Variants in GLIS1 observed in about 807,000 individuals in gnomAD.
GLIS1 encodes zinc finger protein GLIS1.
GLIS1 carries 24 observed loss-of-function variants against 63.8 expected under a neutral mutation model. The observed-to-expected ratio is 0.38, with a 90% CI of 0.27 to 0.53. GLIS1 has a LOEUF of 0.53. Ranked by LOEUF, GLIS1 falls within the 20% of genes least tolerant of loss-of-function variation. The pLI, the probability that GLIS1 is intolerant of heterozygous loss-of-function variation, is 0.85. For synonymous variants in GLIS1, 450 were observed against 482.5 expected (o/e 0.93, Z 0.88); for missense variants, 1,036 against 1,074.1 (o/e 0.96, Z 0.50).
At chr1:53,636,826 C>T (rs1463122792) in intron 2 of GLIS1, among the ~76,000 whole-genome samples, 2 of 152,238 alleles carry the variant, frequency 1.3e-5, no homozygotes, top group Non-Finnish European at 2.9e-5. Flanking sequence ...TCTCCACCTG[C>T]GCTGTTTCTG....
intron 2 of GLIS1, among the ~76,000 whole-genome samples, chr1:53,699,073 A>ATT (rs56770938): frequency 2.7e-4 from 40 of 149,786 alleles, no homozygotes; most frequent in Middle Eastern, 6.9e-3. Context: ...TTTTATTTTT[A>ATT]TTTTTTTTTG....
In GLIS1 at chr1:53,650,500, G is replaced by A. The variant is rs981501651; in HGVS notation, c.260-50222C>T. On this transcript the variant is annotated intron_variant, in intron 2 of 10. Coordinates refer to ENST00000628545, the MANE Select transcript of GLIS1 (RefSeq NM_001367484.1). Reference sequence around the variant, plus strand: ...AGCTACATGGGAAGCTAAGGCAGGAGAATTGCTTGAACCTGGGAGGATGAG... The same window carrying A: ...AGCTACATGGGAAGCTAAGGCAGGAAAATTGCTTGAACCTGGGAGGATGAG... Among the ~76,000 whole-genome samples the A allele has an allele frequency of 2.0e-5, 3 of 148,610 alleles. No homozygotes were observed. In the South Asian group the frequency reaches 6.6e-4, roughly 32 times the overall value.
At chr1:53,536,592 C>A (rs762697295) in intron 4 of GLIS1, among the ~76,000 whole-genome samples, 11 of 152,098 alleles carry the variant, frequency 7.2e-5, no homozygotes, top group Non-Finnish European at 1.3e-4. Flanking sequence ...CCAGGTCACA[C>A]AGCCAGTCAG....
intron 2 of GLIS1, among the ~76,000 whole-genome samples, chr1:53,687,424 G>A (rs757303121): frequency 8.5e-5 from 13 of 152,092 alleles, no homozygotes; most frequent in Admixed American, 4.6e-4. Context: ...TCTATCACCC[G>A]GTCCAACCAG....
At chr1:53,579,628 C>G (rs1306189442) in intron 4 of GLIS1, among the ~76,000 whole-genome samples, 3 of 152,238 alleles carry the variant, frequency 2.0e-5, no homozygotes, top group African/African-American at 7.2e-5. Context: ...TCAGCTGGAG[C>G]TGGAAGCAGC....
chr1:53,514,489 G>C lies in GLIS1; in HGVS notation c.1883+136C>G, dbSNP rs1644329227. The stretch of plus-strand genomic sequence containing the variant: ...CAAAGTGTGTGGAATGCAGTCTGCA[G>C]TCAGTGTTCCCTGAAGGTTGGCTAT... On this transcript the variant is annotated intron_variant, in intron 8 of 10. Transcript: ENST00000628545. 3.6e-6 allele frequency: 3 copies of C among 839,716 alleles called. No individual in the cohort carries two copies. In the Admixed American group the frequency reaches 7.7e-5, roughly 22 times the overall value. The allele number at this position is 839,716 out of a possible 1,614,324, so 52.0% of individuals were successfully genotyped here.
rs532642529 is a variant in GLIS1, at chr1:53,564,580, T to C, written c.1320+29528A>G. ...ACATAAAATAAATTAACCTCCCTTTTGCTAATTACAATAAACACATCTAAA... is the reference window on the plus strand; with the variant it reads ...ACATAAAATAAATTAACCTCCCTTTCGCTAATTACAATAAACACATCTAAA... On this transcript the variant is annotated intron_variant, in intron 4 of 10. Coordinates refer to ENST00000628545, the MANE Select transcript of GLIS1 (RefSeq NM_001367484.1). Among the ~76,000 whole-genome samples, 11 of 152,214 alleles carry C rather than the reference T, an allele frequency of 7.2e-5. No homozygotes were observed. The South Asian group carries it at 2.3e-3, about 32-fold the overall frequency.
chr1:53,718,757 T>C (rs1160042620), intron 2 of GLIS1, among the ~76,000 whole-genome samples: 2 of 152,162 alleles, frequency 1.3e-5, no homozygotes, highest in Non-Finnish European at 2.9e-5. Context: ...TGCGGATCAT[T>C]CCTAGATCAT....
At chr1:53,685,834 G>A (rs956366570) in intron 2 of GLIS1, among the ~76,000 whole-genome samples, 4 of 152,124 alleles carry the variant, frequency 2.6e-5, no homozygotes, top group African/African-American at 9.7e-5. Context: ...CCTCCATCCC[G>A]CAGCCAGATC....
At chr1:53,668,055 G>A in intron 2 of GLIS1, among the ~76,000 whole-genome samples, 1 of 152,096 alleles carries the variant, frequency 6.6e-6, no homozygotes, top group East Asian at 1.9e-4. Context: ...AAACCTGCCT[G>A]CCCACCGCAG....
intron 2 of GLIS1, among the ~76,000 whole-genome samples, chr1:53,635,985 T>C (rs904159550): frequency 1.3e-5 from 2 of 152,204 alleles, no homozygotes; most frequent in African/African-American, 4.8e-5. Flanking sequence ...CCAGACCCAG[T>C]TGGCTTTTCC....
At chr1:53,607,008 G>T (rs1015941162) in intron 2 of GLIS1, among the ~76,000 whole-genome samples, 4 of 152,236 alleles carry the variant, frequency 2.6e-5, no homozygotes, top group Admixed American at 6.5e-5. Context: ...TCACACATGT[G>T]GGGGCAGGTG....
chr1:53,653,761 T>C lies in GLIS1; in HGVS notation c.260-53483A>G, dbSNP rs1043250255. Among the ~76,000 whole-genome samples the C allele has an allele frequency of 6.6e-5, 10 of 152,150 alleles. No homozygotes were observed. In the South Asian group the frequency reaches 2.1e-3, roughly 32 times the overall value. On this transcript the variant is annotated intron_variant, in intron 2 of 10. Coordinates refer to ENST00000628545, the MANE Select transcript of GLIS1 (RefSeq NM_001367484.1). The stretch of plus-strand genomic sequence containing the variant: ...GACAGACATCCCTGCTGAAAGGGGG[T>C]GTGGCCTGAGGTCAGCTGTGACCCC...
At chr1:53,723,235 T>C (rs570587301) in intron 2 of GLIS1, among the ~76,000 whole-genome samples, 2 of 145,008 alleles carry the variant, frequency 1.4e-5, no homozygotes, top group South Asian at 4.2e-4. Context: ...TATTTATTTA[T>C]TTACTTTTTT....
rs993925213 is a variant in GLIS1 at position 53,574,896 on chromosome 1, A to T, written c.1320+19212T>A. On this transcript the variant is annotated intron_variant, in intron 4 of 10. Coordinates refer to ENST00000628545, the MANE Select transcript of GLIS1 (RefSeq NM_001367484.1). This position sits in a 1 kb window ranked among gnomAD's most constrained non-coding sequence, Gnocchi z 4.2. ...CCCTCGCCCACAGTCAGGCTCCTTC[A>T]CAGCAACTCTCTTAACAAATGGTGT... 6.6e-6 allele frequency among the ~76,000 whole-genome samples: 1 copy of T among 152,106 alleles called. No individual in the cohort carries two copies. The highest frequency in any genetic ancestry group is 1.5e-5 in the Non-Finnish European group (1 of 68,020).
intron 2 of GLIS1, among the ~76,000 whole-genome samples, chr1:53,710,473 T>C (rs912349852): frequency 2.0e-5 from 3 of 152,254 alleles, no homozygotes; most frequent in Admixed American, 6.5e-5. Flanking sequence ...GTGAAGGGAC[T>C]TGCCCAAGGT....
At chr1:53,701,164 A>C (rs1237509298) in intron 2 of GLIS1, among the ~76,000 whole-genome samples, 2 of 152,210 alleles carry the variant, frequency 1.3e-5, no homozygotes, top group African/African-American at 4.8e-5. Flanking sequence ...GTCAAATGGT[A>C]ACTATGTCAA....
At chr1:53,679,340 G>A (rs1646250317) in intron 2 of GLIS1, among the ~76,000 whole-genome samples, 1 of 152,210 alleles carries the variant, frequency 6.6e-6, no homozygotes, top group African/African-American at 2.4e-5. Flanking sequence ...CAAGAAGATT[G>A]TATTGTTGAA....
intron 2 of GLIS1, among the ~76,000 whole-genome samples, chr1:53,676,689 A>C (rs1646216231): frequency 2.0e-5 from 3 of 152,090 alleles, no homozygotes; most frequent in Non-Finnish European, 4.4e-5. Context: ...GTCCTTCCCC[A>C]GCCCTCGGGC....
Sources: gnomAD v4.1 joint callset for allele counts (sites outside exome capture counted in the v4.1 genomes callset) on GRCh38, gnomAD v4.1.1 for gene constraint, Gnocchi (gnomAD v3.1) non-coding constraint, MANE v1.5 for transcripts, NCBI Gene and HGNC (gene_info 2026-07-23, HGNC 2026-07-21) for gene names.